Variants in ZDHHC23 observed in about 807,000 individuals in gnomAD.
The protein encoded by ZDHHC23 is palmitoyltransferase ZDHHC23.
A neutral mutation model predicts 40.2 loss-of-function variants in ZDHHC23; 41 were observed. That is an observed-to-expected ratio of 1.02 (90% CI 0.79 to 1.32). The LOEUF (loss-of-function observed/expected upper bound fraction) is 1.32. Among genes scored for constraint, ZDHHC23 ranks in the 40% most tolerant of loss-of-function variants. The pLI is 0.00. For synonymous variants in ZDHHC23, 204 were observed against 210.2 expected, an observed-to-expected ratio of 0.97 and a Z score of 0.26; for missense variants, 471 against 541.5, an observed-to-expected ratio of 0.87 and a Z score of 1.29.
chr3:113,964,590 C>G (rs563189652), downstream of ZDHHC23: 2 of 152,210 alleles, frequency 1.3e-5, no homozygotes, highest in African/African-American at 4.8e-5. Context: ...ATCTCTGGTG[C>G]CTCAGTTTCT....
chr3:113,961,343 TC>T lies in ZDHHC23; in HGVS notation c.*2715del, dbSNP rs1221624870. 7 of 152,316 alleles carry T rather than the reference TC, an allele frequency of 4.6e-5. No individual in the cohort carries two copies. The highest frequency in any genetic ancestry group is 7.3e-5 in the Non-Finnish European group (5 of 68,078). The allele number at this position is 152,316 out of a possible 1,614,324, so 9.4% of individuals were successfully genotyped here. On this transcript the variant is annotated 3_prime_UTR_variant, in exon 5 of 5. Transcript: ENST00000638807. ...TTATTATCACACCACTGTGGACTGT[TC>T]CTGGGGGGAGAAGAACAGACCGATT... is the stretch of plus-strand genomic sequence containing the variant.
Position 113,948,662 on chromosome 3 carries a change from C to G in ZDHHC23, c.-117-24C>G, listed in dbSNP as rs577155731. The G allele has an allele frequency of 2.6e-5, 26 of 988,150 alleles. No homozygotes were observed. In the Admixed American group the frequency reaches 5.4e-4, roughly 21 times the overall value. 61.2% of individuals were successfully genotyped at this position (988,150 alleles called of 1,614,324 possible). On this transcript the variant is annotated intron_variant, in intron 1 of 4. Coordinates refer to ENST00000638807, the MANE Select transcript of ZDHHC23 (RefSeq NM_001320466.2). The stretch of plus-strand genomic sequence containing the variant: ...TGAAAACGGGACCCCCTCCCCCTCT[C>G]TCTTCTCATTTTTGATTGCTCAGGC...
Position 113,960,947 on chromosome 3 carries a change from C to G in ZDHHC23, c.*2317C>G. ...AGCAAACAAGGGGCTAATCCATGAGCAGTGTTCTGTAGGCTCTGTGACATC... is the reference window on the plus strand; with the variant it reads ...AGCAAACAAGGGGCTAATCCATGAGGAGTGTTCTGTAGGCTCTGTGACATC... On this transcript the variant is annotated 3_prime_UTR_variant, in exon 5 of 5. Coordinates refer to ENST00000638807, the MANE Select transcript of ZDHHC23 (RefSeq NM_001320466.2). The G allele has an allele frequency of 3.3e-6, 2 of 608,710 alleles. No homozygotes were observed. Among genetic ancestry groups the G allele is most frequent in the Non-Finnish European group, 5.2e-6 (2 of 382,068 alleles). The allele number at this position is 608,710 out of a possible 1,614,324, so 37.7% of individuals were successfully genotyped here.
chr3:113,963,937 T>G (rs1346454224), downstream of ZDHHC23, among the ~76,000 whole-genome samples: 1 of 146,460 alleles, frequency 6.8e-6, no homozygotes, highest in Non-Finnish European at 1.5e-5. Flanking sequence ...AACACAGGTT[T>G]TTTTTTTTTT....
rs1421743644 is a variant in ZDHHC23 at position 113,954,038 on chromosome 3, G to A, written c.500G>A (p.Gly167Asp). 1 of 1,614,142 alleles carries A rather than the reference G, an allele frequency of 6.2e-7. No homozygotes were observed. The highest frequency in any genetic ancestry group is 8.5e-7 in the Non-Finnish European group (1 of 1,180,026). Residue 167 changes from glycine (G) to aspartate (D), a missense_variant, in exon 3 of 5, where the codon GGT becomes GAT. Gly to Asp is a moderately conservative substitution (Grantham distance 94). This residue lies in a region of ZDHHC23 where 346 missense variants were observed against 399.8 expected (regional missense o/e 0.87). Transcript: ENST00000638807. ...LQEVVPKGRV[G>D]PVQLAVLTCG... ...GAAGTGGTCCCCAAAGGGCGTGTGG[G>A]TCCCGTTCAGCTGGCGGTTCTTACC...
rs1019886851 is a variant in ZDHHC23 at position 113,962,855 on chromosome 3, C to T, written c.*4225C>T. ...TTTTATATACTTGTATTCATATCCT[C>T]TTATCACCTCAGACTCAGACACAAG... On this transcript the variant is annotated 3_prime_UTR_variant, in exon 5 of 5. Transcript: ENST00000638807. 1 of 152,214 alleles carries T rather than the reference C, an allele frequency of 6.6e-6. No individual in the cohort carries two copies. The highest frequency in any genetic ancestry group is 1.5e-5 in the Non-Finnish European group (1 of 68,038). 9.4% of individuals were successfully genotyped at this position (152,214 alleles called of 1,614,324 possible).
downstream of ZDHHC23, among the ~76,000 whole-genome samples, chr3:113,969,845 T>G (rs1171569654): frequency 6.6e-6 from 1 of 152,188 alleles, no homozygotes; most frequent in Non-Finnish European, 1.5e-5. Flanking sequence ...TTCTGTGGTT[T>G]CATATAAATA....
rs191999848 is a variant in ZDHHC23 at position 113,956,174 on chromosome 3, G to A, written c.873-165G>A. On this transcript the variant is annotated intron_variant, in intron 3 of 4. Coordinates refer to ENST00000638807, the MANE Select transcript of ZDHHC23 (RefSeq NM_001320466.2). ...GGAGAATTGCTTAACCGGGACCCGG[G>A]AGGCAGAGGTTGCAGTGAGCCAAGA... Among the ~76,000 whole-genome samples the A allele has an allele frequency of 2.4e-3, 363 of 152,296 alleles. 1 individual carries two copies. The highest frequency in any genetic ancestry group is 5.2e-3 in the Admixed American group (80 of 15,304).
downstream of ZDHHC23, chr3:113,964,492 A>C (rs141146844): frequency 3.0e-4 from 46 of 152,358 alleles, no homozygotes; most frequent in African/African-American, 1.0e-3. Flanking sequence ...GCATGAACAG[A>C]TAATTTAATG....
At chr3:113,948,593 C>T in intron 1 of ZDHHC23, 93 bp from the exon 2 acceptor site, 2 of 554,070 alleles carry the variant, frequency 3.6e-6, no homozygotes, top group Non-Finnish European at 3.2e-6. Context: ...CCTCCAAGAA[C>T]CCTGGAGCCC....
chr3:113,959,849 A>T lies in ZDHHC23; in HGVS notation c.*1219A>T, dbSNP rs1179529980. On this transcript the variant is annotated 3_prime_UTR_variant, in exon 5 of 5. Transcript: ENST00000638807. ...ATGTGGTTTCCACTATTAATGGATT[A>T]CTGTTCTTCCCTGGCTCTTCCGACA... 4.0e-6 allele frequency: 4 copies of T among 1,012,056 alleles called. No homozygotes were observed. Among genetic ancestry groups the T allele is most frequent in the Admixed American group, 1.0e-4 (2 of 19,722 alleles). The allele number at this position is 1,012,056 out of a possible 1,614,324, so 62.7% of individuals were successfully genotyped here.
downstream of ZDHHC23, chr3:113,965,469 A>G (rs2107538663): frequency 3.5e-6 from 2 of 571,192 alleles, no homozygotes; most frequent in South Asian, 6.1e-5. Context: ...AAAATGCTGT[A>G]TAAAAGGTGT....
downstream of ZDHHC23, among the ~76,000 whole-genome samples, chr3:113,965,910 T>G (rs947271267): frequency 2.0e-5 from 3 of 151,952 alleles, no homozygotes; most frequent in Non-Finnish European, 4.4e-5. Flanking sequence ...TTTTTATTTT[T>G]GATTGAGTGG....
At position 113,956,374 on chromosome 3, in the gene ZDHHC23, CA is replaced by C; in HGVS notation, c.909del (p.Phe304LeufsTer6). The C allele has an allele frequency of 1.2e-6, 2 of 1,614,176 alleles. No homozygotes were observed. The highest frequency in any genetic ancestry group is 8.5e-7 in the Non-Finnish European group (1 of 1,180,026). On this transcript the variant is annotated frameshift_variant, in exon 4 of 5. Transcript: ENST00000638807. LOFTEE classifies it high-confidence loss of function. The part of the protein sequence containing the change: ...NSCVGESNHQ[A>X]FILALLIFLL... ...TGCGTTGGAGAATCAAATCATCAAG[CA>C]TTTATACTTGCCCTTTTGATCTTCT...
chr3:113,948,652 C>T, intron 1 of ZDHHC23, 34 bp from the exon 2 acceptor site: 1 of 887,626 alleles, frequency 1.1e-6, no homozygotes, highest in Non-Finnish European at 1.7e-6. Context: ...ACGGGACCCC[C>T]TCCCCCTCTC....
At chr3:113,949,130 G>GGATT (rs1338021412) in intron 2 of ZDHHC23, among the ~76,000 whole-genome samples, 167 bp downstream of exon 2, 10 of 152,158 alleles carry the variant, frequency 6.6e-5, no homozygotes, top group African/African-American at 2.4e-4. Flanking sequence ...TTAGAAAGAT[G>GGATT]GATTACGCAG....
chr3:113,957,450 C>A, intron 4 of ZDHHC23: 1 of 354,628 alleles, frequency 2.8e-6, no homozygotes. Context: ...GAGAGTATCT[C>A]CAGCATGTGA....
chr3:113,959,934 T>G lies in ZDHHC23; in HGVS notation c.*1304T>G. 1.0e-6 allele frequency: 1 copy of G among 997,250 alleles called. No homozygotes were observed. The allele number at this position is 997,250 out of a possible 1,614,324, so 61.8% of individuals were successfully genotyped here. A position where few individuals can be genotyped will look rare whatever the true frequency, so the allele number is the denominator to read the frequency against. On this transcript the variant is annotated 3_prime_UTR_variant, in exon 5 of 5. Coordinates refer to ENST00000638807, the MANE Select transcript of ZDHHC23 (RefSeq NM_001320466.2). Reference sequence around the variant, plus strand: ...CGAAAATGTATAAAAGATTAAATATTTATGTACAATGGGTTGTTCTACTAT... The same window carrying G: ...CGAAAATGTATAAAAGATTAAATATGTATGTACAATGGGTTGTTCTACTAT...
chr3:113,959,725 G>C lies in ZDHHC23; in HGVS notation c.*1095G>C, dbSNP rs569485250. 9.2e-7 allele frequency: 1 copy of C among 1,088,148 alleles called. No homozygotes were observed. The highest frequency in any genetic ancestry group is 1.1e-6 in the Non-Finnish European group (1 of 877,480). 67.4% of individuals were successfully genotyped at this position (1,088,148 alleles called of 1,614,324 possible). On this transcript the variant is annotated 3_prime_UTR_variant, in exon 5 of 5. Coordinates refer to ENST00000638807, the MANE Select transcript of ZDHHC23 (RefSeq NM_001320466.2). ...TTCACATTATTCTGGTATGAACTTT[G>C]AGGAGTTGAGTGACATCTTCCCACT... is the stretch of plus-strand genomic sequence containing the variant.
Sources: gnomAD v4.1 joint callset for allele counts (sites outside exome capture counted in the v4.1 genomes callset) on GRCh38, gnomAD v4.1.1 for gene constraint, gnomAD v4.1.1 regional missense constraint, MANE v1.5 for transcripts, NCBI Gene and HGNC (gene_info 2026-07-23, HGNC 2026-07-21) for gene names.